CTNNA3: variants seen among roughly 807,000 people sequenced by gnomAD.
The protein encoded by CTNNA3 is catenin alpha 3.
Under a neutral mutation model 95.7 loss-of-function variants are expected in CTNNA3, and 76 were observed. That is an observed-to-expected ratio of 0.79 (90% CI 0.66 to 0.96). The LOEUF (loss-of-function observed/expected upper bound fraction) is 0.96, where lower values mean the gene tolerates loss of function less well. Among genes scored for constraint, CTNNA3 ranks in the 40% least tolerant of loss-of-function variants. The probability of loss-of-function intolerance (pLI) is 0.00; values close to 1 mark genes in which losing one functional copy is unlikely to be tolerated. For synonymous variants in CTNNA3, 431 were observed against 374.4 expected (o/e 1.15, Z -1.74); for missense variants, 1,191 against 1,089.8 (o/e 1.09, Z -1.31).
chr10:66,463,715 C>G (rs776397365), intron 11 of CTNNA3, among the ~76,000 whole-genome samples: 5 of 151,944 alleles, frequency 3.3e-5, no homozygotes, highest in Admixed American at 6.6e-5. Context: ...GAAATAATCC[C>G]CTATACTGAT....
intron 9 of CTNNA3, among the ~76,000 whole-genome samples, chr10:66,751,211 T>G (rs1207487964): frequency 2.0e-5 from 3 of 152,092 alleles, no homozygotes; most frequent in Non-Finnish European, 4.4e-5. Context: ...GAGGTTGCAG[T>G]GAGCCTAGAT....
chr10:66,917,072 T>G (rs1846528385), intron 7 of CTNNA3, among the ~76,000 whole-genome samples: 1 of 152,162 alleles, frequency 6.6e-6, no homozygotes, highest in Non-Finnish European at 1.5e-5. Context: ...GTAGCTATTT[T>G]TATTTTTTAC....
chr10:67,182,293 C>A (rs994014795), intron 6 of CTNNA3, among the ~76,000 whole-genome samples: 4 of 152,146 alleles, frequency 2.6e-5, no homozygotes, highest in African/African-American at 9.7e-5. Flanking sequence ...TTAAACTACA[C>A]CACAAGGCTA....
Position 67,280,661 on chromosome 10 carries a change from C to T in CTNNA3, c.580-60791G>A, listed in dbSNP as rs974460776. Among the ~76,000 whole-genome samples the T allele has an allele frequency of 5.6e-4, 85 of 152,050 alleles. 1 individual carries two copies. Among genetic ancestry groups the T allele is most frequent in the Admixed American group, 5.4e-3 (83 of 15,260 alleles). On this transcript the variant is annotated intron_variant, in intron 5 of 17. Transcript: ENST00000433211. ...GACTCCACCCCATTCTCCCAGTGTGCACATAGGCCCCCAGTGCATTGCAGG... is the reference window on the plus strand; with the variant it reads ...GACTCCACCCCATTCTCCCAGTGTGTACATAGGCCCCCAGTGCATTGCAGG...
At chr10:66,410,776 G>T (rs1319141017) in intron 11 of CTNNA3, among the ~76,000 whole-genome samples, 1 of 152,132 alleles carries the variant, frequency 6.6e-6, no homozygotes. Flanking sequence ...GGCTCCATCT[G>T]CCAGAGATGT....
intron 9 of CTNNA3, among the ~76,000 whole-genome samples, chr10:66,729,118 C>G (rs1162312533): frequency 2.6e-5 from 4 of 152,074 alleles, no homozygotes; most frequent in Non-Finnish European, 5.9e-5. Context: ...CATGTCTGTT[C>G]TTGTACCAGT....
chr10:67,693,515 AT>A (rs1349945828), intron 1 of CTNNA3, among the ~76,000 whole-genome samples: 1 of 152,212 alleles, frequency 6.6e-6, no homozygotes, highest in Non-Finnish European at 1.5e-5. Flanking sequence ...TCCAAAAAAA[AT>A]AGAAACATGC....
intron 12 of CTNNA3, among the ~76,000 whole-genome samples, chr10:66,357,077 T>C (rs1405730563): frequency 6.6e-6 from 1 of 152,124 alleles, no homozygotes; most frequent in Non-Finnish European, 1.5e-5. Flanking sequence ...TTTCTTCTAA[T>C]GTCTTTGTTT....
intron 5 of CTNNA3, among the ~76,000 whole-genome samples, chr10:67,505,643 A>T (rs1489702767): frequency 1.3e-5 from 2 of 152,190 alleles, no homozygotes; most frequent in Non-Finnish European, 2.9e-5. Context: ...TATTCTAAAC[A>T]TTTTCATCCA....
Position 66,185,724 on chromosome 10 carries a change from A to T in CTNNA3, c.1885-82475T>A, listed in dbSNP as rs188246928. ...GAGTGTCTCAATGTATTATTTAATT[A>T]AAAAAAGTTTGTCTGAAGTTTACAA... On this transcript the variant is annotated intron_variant, in intron 13 of 17. Coordinates refer to ENST00000433211, the MANE Select transcript of CTNNA3 (RefSeq NM_013266.4). Among the ~76,000 whole-genome samples, 188 of 151,740 alleles carry T rather than the reference A, an allele frequency of 1.2e-3. 1 individual carries two copies. Among genetic ancestry groups the T allele is most frequent in the African/African-American group, 4.1e-3 (169 of 41,506 alleles).
Position 66,644,382 on chromosome 10 carries a change from T to C in CTNNA3, c.1282-22598A>G, listed in dbSNP as rs12220200. ...ACATATAGTATATTTTACATGTGTA[T>C]TTTATATTTTACATATATATATTTT... On this transcript the variant is annotated intron_variant, in intron 9 of 17. Coordinates refer to ENST00000433211, the MANE Select transcript of CTNNA3 (RefSeq NM_013266.4). Among the ~76,000 whole-genome samples, 5 of 147,994 alleles carry C rather than the reference T, an allele frequency of 3.4e-5. No homozygotes were observed. In the East Asian group the frequency reaches 9.8e-4, roughly 29 times the overall value.
chr10:66,212,593 G>T (rs2088240085), intron 13 of CTNNA3, among the ~76,000 whole-genome samples: 1 of 152,076 alleles, frequency 6.6e-6, no homozygotes. Context: ...GAGGGCAAAT[G>T]CTTTCAGTAG....
chr10:67,539,366 C>T (rs1038415788), intron 4 of CTNNA3, 137 bp downstream of exon 4: 40 of 864,292 alleles, frequency 4.6e-5, no homozygotes, highest in Non-Finnish European at 6.8e-5. Flanking sequence ...CTTCACAACC[C>T]AGTCTAGTCT....
At chr10:66,247,636 C>A (rs916427703) in intron 13 of CTNNA3, among the ~76,000 whole-genome samples, 1 of 152,156 alleles carries the variant, frequency 6.6e-6, no homozygotes, top group African/African-American at 2.4e-5. Flanking sequence ...AGCTACATTA[C>A]ATCTGGCAGC....
rs1848810527 is a variant in CTNNA3, at chr10:66,727,274, T to C, written c.1281+38990A>G. On this transcript the variant is annotated intron_variant, in intron 9 of 17. Coordinates refer to ENST00000433211, the MANE Select transcript of CTNNA3 (RefSeq NM_013266.4). Reference sequence around the variant, plus strand: ...TTGTGATACAAACATTAAAAAAAAGTTTGCCTAGGAAAAAATATCAAGAAT... The same window carrying C: ...TTGTGATACAAACATTAAAAAAAAGCTTGCCTAGGAAAAAATATCAAGAAT... 8.6e-5 allele frequency among the ~76,000 whole-genome samples: 13 copies of C among 152,024 alleles called. No individual in the cohort carries two copies. In the South Asian group the frequency reaches 2.7e-3, roughly 32 times the overall value.
At chr10:66,876,591 T>A (rs1844630939) in intron 7 of CTNNA3, among the ~76,000 whole-genome samples, 1 of 152,132 alleles carries the variant, frequency 6.6e-6, no homozygotes, top group South Asian at 2.1e-4. Context: ...TTAGAATATG[T>A]TATAGTCTTC....
At chr10:66,748,374 T>C (rs1325601272) in intron 9 of CTNNA3, among the ~76,000 whole-genome samples, 2 of 152,180 alleles carry the variant, frequency 1.3e-5, no homozygotes, top group Non-Finnish European at 2.9e-5. Flanking sequence ...AATTGTTCCA[T>C]TTTTGAAATC....
chr10:66,840,231 T>C (rs751913848), intron 7 of CTNNA3, among the ~76,000 whole-genome samples: 12 of 152,108 alleles, frequency 7.9e-5, no homozygotes, highest in East Asian at 1.9e-4. Flanking sequence ...TTTTCAACTG[T>C]TATTTCCTTC....
At chr10:67,728,162 TAAG>T (rs1324802608) in intron 1 of CTNNA3, among the ~76,000 whole-genome samples, 1 of 147,062 alleles carries the variant, frequency 6.8e-6, no homozygotes, top group African/African-American at 2.5e-5. Flanking sequence ...TTAGAGTTTC[TAAG>T]AATATAAGCT....
Sources: allele counts gnomAD v4.1 joint callset (sites outside exome capture counted in the v4.1 genomes callset), GRCh38; gene constraint gnomAD v4.1.1; transcripts MANE v1.5; gene names NCBI Gene and HGNC (gene_info 2026-07-23, HGNC 2026-07-21).